The following FTCD variants were observed in gnomAD, a reference collection of about 807,000 sequenced individuals.
FTCD encodes the protein formimidoyltransferase-cyclodeaminase.
A neutral mutation model predicts 62.9 loss-of-function variants in FTCD; 76 were observed. The observed-to-expected ratio is 1.21, with a 90% CI of 1.00 to 1.46. The LOEUF (loss-of-function observed/expected upper bound fraction) is 1.46, where lower values mean the gene tolerates loss of function less well. FTCD is among the 40% of genes most tolerant of loss of function. The probability of loss-of-function intolerance (pLI) is 0.00; values close to 1 mark genes in which losing one functional copy is unlikely to be tolerated. For synonymous variants in FTCD, 397 were observed against 336.9 expected (o/e 1.18, Z -1.95); for missense variants, 845 against 751.3 (o/e 1.12, Z -1.46).
At chr21:46,145,995 G>A in intron 8 of FTCD, 48 bp from the exon 9 acceptor site, 1 of 1,191,182 alleles carries the variant, frequency 8.4e-7, no homozygotes, top group South Asian at 1.5e-5. Context: ...TTGGTGGGGG[G>A]AGCGCAGTCC....
At chr21:46,138,776 G>A (rs560162650) in intron 11 of FTCD, 104 bp downstream of exon 11, 30 of 1,434,038 alleles carry the variant, frequency 2.1e-5, no homozygotes, top group African/African-American at 5.6e-5. Context: ...CACCCAGCAC[G>A]CCCAGGCCAA....
Position 46,140,768 on chromosome 21 carries a change from C to T in FTCD, c.1261-1845G>A, listed in dbSNP as rs563504750. 2.7e-5 allele frequency among the ~76,000 whole-genome samples: 4 copies of T among 150,034 alleles called. No homozygotes were observed. The East Asian group carries it at 7.8e-4, about 29-fold the overall frequency. On this transcript the variant is annotated intron_variant, in intron 10 of 13. Transcript: ENST00000397746. ...CGTAAACCAACCCAGCACTCCCCGT[C>T]CACCTTCACGTGGCTCACAGGGAGC...
intron 13 of FTCD, 32 bp downstream of exon 13, chr21:46,137,207 G>T (rs1568957281): frequency 1.9e-6 from 3 of 1,579,710 alleles, no homozygotes; most frequent in Middle Eastern, 1.7e-4. Context: ...CCCCCACGTG[G>T]GGTCCGGGCA....
intron 11 of FTCD, 101 bp downstream of exon 11, chr21:46,138,779 C>G (rs989360818): frequency 9.1e-6 from 13 of 1,430,750 alleles, no homozygotes; most frequent in Non-Finnish European, 1.3e-5. Flanking sequence ...CCAGCACGCC[C>G]AGGCCAACCA....
At chr21:46,137,168 G>C (rs568456785) in intron 13 of FTCD, 71 bp downstream of exon 13, 54 of 1,583,642 alleles carry the variant, frequency 3.4e-5, no homozygotes, top group Non-Finnish European at 4.7e-5. Context: ...ACAGCCAGTC[G>C]GCAATCACCC....
chr21:46,142,692 A>T (rs59140308), intron 10 of FTCD: 3 of 151,920 alleles, frequency 2.0e-5, no homozygotes, highest in Admixed American at 6.6e-5. Flanking sequence ...CTTGGAACAG[A>T]ACCCGCCACG....
At chr21:46,138,401 C>G (rs1422386761) in intron 12 of FTCD, 107 bp downstream of exon 12, 9 of 1,117,646 alleles carry the variant, frequency 8.1e-6, no homozygotes, top group African/African-American at 1.5e-5. Flanking sequence ...AGTGAGGTCT[C>G]CCTACCTGGC....
At chr21:46,140,511 C>T (rs2078976111) in intron 10 of FTCD, among the ~76,000 whole-genome samples, 1 of 144,628 alleles carries the variant, frequency 6.9e-6, no homozygotes, top group Admixed American at 6.9e-5. Flanking sequence ...ACCCAGCCCT[C>T]CCCGTCCACC....
chr21:46,141,707 C>G (rs2079010941), intron 10 of FTCD, among the ~76,000 whole-genome samples: 1 of 147,472 alleles, frequency 6.8e-6, no homozygotes, highest in African/African-American at 2.6e-5. Flanking sequence ...CAAGGCCTGC[C>G]TCCCCTATTA....
intron 3 of FTCD, 95 bp from the exon 4 acceptor site, chr21:46,152,075 C>A (rs1186822518): frequency 2.3e-6 from 2 of 852,188 alleles, no homozygotes; most frequent in African/African-American, 1.7e-5. Flanking sequence ...CCAGCCTAAC[C>A]CAGGAATGGG....
Position 46,155,468 on chromosome 21 carries a change from A to T in FTCD, c.54+2T>A, listed in dbSNP as rs760385314. On this transcript the variant is annotated splice_donor_variant, in intron 1 of 13. Transcript: ENST00000397746. LOFTEE classifies it high-confidence loss of function. ...ATGCTTGACCAGCTCCTCGGGCCTC[A>T]CCTCCTGGTTCTTCCCCTCCGAAAA... 1.4e-5 allele frequency: 22 copies of T among 1,611,852 alleles called. No individual in the cohort carries two copies. Among genetic ancestry groups the T allele is most frequent in the South Asian group, 1.1e-4 (10 of 91,060 alleles).
chr21:46,150,416 A>T lies in FTCD; in HGVS notation c.746T>A (p.Val249Asp), dbSNP rs1391685679. ...TGCTTCTCGGCAGGTCTCCTCGTAGACCGTGTGCAGTGCCGTGACCTCAAA... is the reference window on the plus strand; with the variant it reads ...TGCTTCTCGGCAGGTCTCCTCGTAGTCCGTGTGCAGTGCCGTGACCTCAAA... ...LDFEVTALHT[V>D]YEETCREAQE... is the part of the protein sequence containing the mutation. Residue 249 changes from valine (V) to aspartate (D), a missense_variant, in exon 6 of 14, where the codon GTC becomes GAC. Physicochemically the swap from Val to Asp is radical, Grantham distance 152. Transcript: ENST00000397746. The T allele has an allele frequency of 6.2e-7, 1 of 1,613,006 alleles. No individual in the cohort carries two copies. The highest frequency in any genetic ancestry group is 1.1e-5 in the South Asian group (1 of 91,084).
Position 46,150,421 on chromosome 21 carries a change from G to A in FTCD, c.741C>T (p.His247=), listed in dbSNP as rs755291849. The A allele has an allele frequency of 1.2e-6, 2 of 1,612,954 alleles. No homozygotes were observed. Among genetic ancestry groups the A allele is most frequent in the East Asian group, 4.5e-5 (2 of 44,872 alleles). The stretch of plus-strand genomic sequence containing the variant: ...CTCGGCAGGTCTCCTCGTAGACCGT[G>A]TGCAGTGCCGTGACCTCAAAGTCCA... ...NLLDFEVTAL[H]TVYEETCREA... The change falls in exon 6 of 14, where the codon CAC becomes CAT. Residue 247 remains histidine, a synonymous_variant. Transcript: ENST00000397746.
At chr21:46,146,017 C>T in intron 8 of FTCD, 70 bp from the exon 9 acceptor site, 2 of 967,134 alleles carry the variant, frequency 2.1e-6, no homozygotes, top group Non-Finnish European at 3.0e-6. Context: ...CCCGGGGCGG[C>T]CCCAGGCCCC....
intron 1 of FTCD, 61 bp from the exon 2 acceptor site, chr21:46,154,393 T>C: frequency 6.5e-7 from 1 of 1,548,158 alleles, no homozygotes; most frequent in Non-Finnish European, 8.7e-7. Flanking sequence ...GAAAAGGAGC[T>C]TGGAGGTGGC....
rs758976101 is a variant in FTCD at position 46,137,307 on chromosome 21, C to T, written c.1471G>A (p.Val491Met). ...QVAAKALEMG[V>M]FGAYFNVLIN... Reference sequence around the variant, plus strand: ...AGCACGTTGAAATATGCGCCAAACACGCCCATCTCCAGGGCTTTGGCCGCC... The same window carrying T: ...AGCACGTTGAAATATGCGCCAAACATGCCCATCTCCAGGGCTTTGGCCGCC... Residue 491 changes from valine to methionine, a missense_variant, in exon 13 of 14, where the codon GTG (valine) becomes ATG (methionine). Val to Met is a conservative substitution (Grantham distance 21). Transcript: ENST00000397746. 2.4e-5 allele frequency: 39 copies of T among 1,613,674 alleles called. No individual in the cohort carries two copies. Among genetic ancestry groups the T allele is most frequent in the Admixed American group, 1.0e-4 (6 of 60,014 alleles).
Position 46,145,412 on chromosome 21 carries a change from C to T in FTCD, c.1260+5G>A. 6.5e-7 allele frequency: 1 copy of T among 1,544,178 alleles called. No homozygotes were observed. Among genetic ancestry groups the T allele is most frequent in the Non-Finnish European group, 8.7e-7 (1 of 1,144,016 alleles). On this transcript the variant is annotated splice_donor_5th_base_variant and intron_variant, in intron 10 of 13. Coordinates refer to ENST00000397746, the MANE Select transcript of FTCD (RefSeq NM_206965.2). ...CCGGGGAGCCCTGCTGTGGCCGCCA[C>T]TCACCAGGTAGGCGGTGAAGGCCTC... is the stretch of plus-strand genomic sequence containing the variant.
At chr21:46,138,048 G>A (rs917902104) in intron 12 of FTCD, among the ~76,000 whole-genome samples, 7 of 151,922 alleles carry the variant, frequency 4.6e-5, no homozygotes, top group African/African-American at 9.7e-5. Flanking sequence ...AGGCACCACC[G>A]TGCCTGGCTC....
chr21:46,153,960 C>A (rs899655206), intron 2 of FTCD, among the ~76,000 whole-genome samples, 189 bp downstream of exon 2: 17 of 152,128 alleles, frequency 1.1e-4, no homozygotes, highest in African/African-American at 3.6e-4. Flanking sequence ...CAGAGCACAG[C>A]CCTGCAGGCA....
Sources: allele counts gnomAD v4.1 joint callset (sites outside exome capture counted in the v4.1 genomes callset), GRCh38; gene constraint gnomAD v4.1.1; transcripts MANE v1.5; gene names NCBI Gene and HGNC (gene_info 2026-07-23, HGNC 2026-07-21).